The following LRMDA variants were observed in gnomAD, a reference collection of about 807,000 sequenced individuals.
The protein encoded by LRMDA is leucine rich melanocyte differentiation associated, also known as leucine-rich melanocyte differentiation-associated protein.
In LRMDA, 18 loss-of-function variants were observed where a neutral mutation model predicts 29.8. That is an observed-to-expected ratio of 0.60 (90% CI 0.42 to 0.90). The LOEUF (loss-of-function observed/expected upper bound fraction) is 0.90. Among genes scored for constraint, LRMDA ranks in the 40% least tolerant of loss-of-function variants. LRMDA has a pLI of 0.00. For missense variants in LRMDA, 273 were observed against 273.9 expected, an observed-to-expected ratio of 1.00 and a Z score of 0.02; for synonymous variants, 125 against 109.4, an observed-to-expected ratio of 1.14 and a Z score of -0.89.
At chr10:75,484,962 A>G (rs1427667769) in intron 2 of LRMDA, among the ~76,000 whole-genome samples, 2 of 152,250 alleles carry the variant, frequency 1.3e-5, no homozygotes, top group Non-Finnish European at 2.9e-5. Context: ...ATTTGTAAGT[A>G]TAGAAAGGTA....
At chr10:76,371,225 G>A (rs939588135) in intron 6 of LRMDA, among the ~76,000 whole-genome samples, 1 of 152,070 alleles carries the variant, frequency 6.6e-6, no homozygotes, top group African/African-American at 2.4e-5. Context: ...GACCTTGTAG[G>A]GATGTGTCAA....
intron 5 of LRMDA, among the ~76,000 whole-genome samples, chr10:76,323,083 C>T (rs1030438271): frequency 7.3e-5 from 11 of 151,570 alleles, no homozygotes; most frequent in Non-Finnish European, 1.6e-4. Context: ...TTTTGTGGAC[C>T]CAATAGCCTT....
At chr10:75,769,723 C>T (rs1209043206) in intron 2 of LRMDA, among the ~76,000 whole-genome samples, 4 of 152,032 alleles carry the variant, frequency 2.6e-5, no homozygotes, top group East Asian at 1.9e-4. Context: ...TATTTGTTTT[C>T]GATTGCTTAT....
intron 6 of LRMDA, among the ~76,000 whole-genome samples, chr10:76,442,555 T>C (rs1842314777): frequency 6.6e-6 from 1 of 152,064 alleles, no homozygotes; most frequent in Non-Finnish European, 1.5e-5. Context: ...TATCTGGGCA[T>C]GGTGACATGT....
Position 76,487,790 on chromosome 10 carries a change from T to G in LRMDA, c.602-69419T>G, listed in dbSNP as rs185185689. 3.9e-3 allele frequency among the ~76,000 whole-genome samples: 590 copies of G among 152,012 alleles called. 4 individuals are homozygous for G. The highest frequency in any genetic ancestry group is 0.013 in the African/African-American group (557 of 41,520). On this transcript the variant is annotated intron_variant, in intron 6 of 6. Transcript: ENST00000611255. ...GATAGGTTACGCAACTTGCCCAAGA[T>G]CACACAGCTACTAAGTGAAAGAGCT... is the stretch of plus-strand genomic sequence containing the variant.
chr10:75,873,162 T>C (rs1845141521), intron 2 of LRMDA, among the ~76,000 whole-genome samples: 1 of 152,178 alleles, frequency 6.6e-6, no homozygotes, highest in Admixed American at 6.5e-5. Context: ...CATGATCTAC[T>C]GTGTTTGAAC....
intron 5 of LRMDA, among the ~76,000 whole-genome samples, chr10:76,096,869 T>TG (rs1849319386): frequency 6.6e-6 from 1 of 152,186 alleles, no homozygotes; most frequent in Non-Finnish European, 1.5e-5. Flanking sequence ...ATAAATGGTA[T>TG]GAGCTTCGAA....
intron 2 of LRMDA, among the ~76,000 whole-genome samples, chr10:75,582,165 C>G (rs1840602279): frequency 6.6e-6 from 1 of 152,174 alleles, no homozygotes; most frequent in African/African-American, 2.4e-5. Context: ...AATGGTAGCC[C>G]TCTTCTCACA....
intron 6 of LRMDA, among the ~76,000 whole-genome samples, chr10:76,524,776 A>C (rs1003416425): frequency 2.8e-4 from 42 of 152,248 alleles, no homozygotes; most frequent in Admixed American, 1.7e-3. Flanking sequence ...GGAAATTGCC[A>C]GTGGCAGTGC....
At chr10:76,189,080 A>G (rs1290429003) in intron 5 of LRMDA, among the ~76,000 whole-genome samples, 1 of 152,180 alleles carries the variant, frequency 6.6e-6, no homozygotes, top group Non-Finnish European at 1.5e-5. Context: ...TTATTAGGCC[A>G]GGCGTGGTGA....
At chr10:76,374,731 C>T (rs530902831) in intron 6 of LRMDA, among the ~76,000 whole-genome samples, 1 of 152,276 alleles carries the variant, frequency 6.6e-6, no homozygotes, top group South Asian at 2.1e-4. Context: ...GCATGAACAG[C>T]AGGGGAAGTT....
chr10:76,415,619 T>TGTGC (rs1842006609), intron 6 of LRMDA, among the ~76,000 whole-genome samples: 1 of 124,792 alleles, frequency 8.0e-6, no homozygotes, highest in African/African-American at 2.6e-5. Flanking sequence ...TGTGTGTGTG[T>TGTGC]GTGCGTGTGT....
chr10:75,863,755 G>A (rs1291317138), intron 2 of LRMDA, among the ~76,000 whole-genome samples: 2 of 152,210 alleles, frequency 1.3e-5, no homozygotes, highest in Non-Finnish European at 2.9e-5. Flanking sequence ...GGAAGGCTCA[G>A]CTACTTTCAG....
At chr10:76,417,378 A>C (rs188206320) in intron 6 of LRMDA, among the ~76,000 whole-genome samples, 3 of 152,312 alleles carry the variant, frequency 2.0e-5, no homozygotes, top group East Asian at 3.9e-4. Flanking sequence ...CTTATTTTAA[A>C]ATAAACTTTT....
chr10:76,529,775 CT>C (rs1325334390), intron 6 of LRMDA, among the ~76,000 whole-genome samples: 2 of 152,084 alleles, frequency 1.3e-5, no homozygotes, highest in African/African-American at 4.8e-5. Context: ...AGAAAATGCC[CT>C]TTTGGCAAGA....
intron 2 of LRMDA, among the ~76,000 whole-genome samples, chr10:75,882,945 A>C (rs942226230): frequency 6.6e-6 from 1 of 152,216 alleles, no homozygotes; most frequent in African/African-American, 2.4e-5. Context: ...TTATGGACCA[A>C]GGCCGCACTT....
At chr10:76,126,755 T>A (rs1185901733) in intron 5 of LRMDA, among the ~76,000 whole-genome samples, 1 of 152,184 alleles carries the variant, frequency 6.6e-6, no homozygotes, top group African/African-American at 2.4e-5. Context: ...TCTGAGCCAT[T>A]TAGCTGTGGG....
intron 6 of LRMDA, among the ~76,000 whole-genome samples, chr10:76,514,671 G>A (rs1332436918): frequency 6.6e-6 from 1 of 152,128 alleles, no homozygotes; most frequent in Non-Finnish European, 1.5e-5. Flanking sequence ...GGAGCACACT[G>A]GCTTTCTTAC....
intron 2 of LRMDA, among the ~76,000 whole-genome samples, chr10:75,561,142 T>C (rs1338272007): frequency 2.4e-4 from 37 of 151,518 alleles, no homozygotes; most frequent in South Asian, 6.3e-4. Flanking sequence ...TGGTAGAATT[T>C]GGCTGTGAAT....
Sources: allele counts gnomAD v4.1 joint callset (sites outside exome capture counted in the v4.1 genomes callset), GRCh38; gene constraint gnomAD v4.1.1; transcripts MANE v1.5; gene names NCBI Gene and HGNC (gene_info 2026-07-23, HGNC 2026-07-21).